The following BICRAL variants were observed in gnomAD, a reference collection of about 807,000 sequenced individuals.
BICRAL encodes the protein BICRA like chromatin remodeling complex associated protein.
In BICRAL, 8 loss-of-function variants were observed where a neutral mutation model predicts 91.8. That is an observed-to-expected ratio of 0.09 (90% confidence interval 0.05 to 0.16). The LOEUF is 0.16. Among genes scored for constraint, BICRAL ranks in the 10% least tolerant of loss-of-function variants. The pLI is 1.00. For missense variants in BICRAL, 1,038 were observed against 1,310.9 expected, an observed-to-expected ratio of 0.79 and a Z score of 3.21; for synonymous variants, 445 against 491.1, an observed-to-expected ratio of 0.91 and a Z score of 1.24.
chr6:42,782,355 G>T (rs1582812353), intron 1 of BICRAL, among the ~76,000 whole-genome samples: 1 of 135,938 alleles, frequency 7.4e-6, no homozygotes, highest in African/African-American at 2.8e-5. Context: ...GGGGGGGGTG[G>T]GTTTGTGGGT....
At chr6:42,771,255 G>A (rs1762719743) in intron 1 of BICRAL, among the ~76,000 whole-genome samples, 2 of 152,242 alleles carry the variant, frequency 1.3e-5, no homozygotes, top group Admixed American at 6.5e-5. Context: ...TGCAGAAAGA[G>A]GACCCCTCCC....
At chr6:42,817,266 T>C (rs1443464152) in intron 2 of BICRAL, among the ~76,000 whole-genome samples, 1 of 151,886 alleles carries the variant, frequency 6.6e-6, no homozygotes, top group Admixed American at 6.6e-5. Flanking sequence ...TGACCATATA[T>C]CCTACCAAGT....
chr6:42,831,815 T>C lies in BICRAL; in HGVS notation c.1839+1643T>C, dbSNP rs1424707457. ...ATGCAGTGGCGAAATCTCAGCTCAC[T>C]GCAGCCTCCGCCTCCCAGCCTCAAG... On this transcript the variant is annotated intron_variant, in intron 6 of 12. Transcript: ENST00000314073. Among the ~76,000 whole-genome samples, 4 of 151,700 alleles carry C rather than the reference T, an allele frequency of 2.6e-5. No individual in the cohort carries two copies. In the South Asian group the frequency reaches 8.3e-4, roughly 32 times the overall value.
At chr6:42,751,578 G>GT (rs920403227) in intron 1 of BICRAL, among the ~76,000 whole-genome samples, 3 of 151,706 alleles carry the variant, frequency 2.0e-5, no homozygotes, top group African/African-American at 4.8e-5. Context: ...GTTCTCTGGA[G>GT]TTTGTCAGGG....
upstream of BICRAL, chr6:42,746,862 G>A (rs549120129): frequency 6.6e-6 from 1 of 152,030 alleles, no homozygotes; most frequent in African/African-American, 2.4e-5. Flanking sequence ...GGCCCTGGGG[G>A]AGTCCATAAA....
chr6:42,824,786 A>G (rs1027941466), intron 5 of BICRAL, among the ~76,000 whole-genome samples: 2 of 152,362 alleles, frequency 1.3e-5, no homozygotes, highest in South Asian at 4.1e-4. Context: ...ATAATGAGTA[A>G]CACTTGAGCA....
intron 1 of BICRAL, among the ~76,000 whole-genome samples, chr6:42,756,430 C>G (rs893114027): frequency 5.3e-5 from 8 of 152,084 alleles, no homozygotes; most frequent in Non-Finnish European, 1.0e-4. Context: ...CTCTCACCTC[C>G]TTTGGCAAGC....
intron 6 of BICRAL, among the ~76,000 whole-genome samples, chr6:42,843,855 A>G (rs1764890851): frequency 6.8e-6 from 1 of 147,578 alleles, no homozygotes; most frequent in Non-Finnish European, 1.5e-5. Flanking sequence ...GGCGAGTGCA[A>G]TAGCACGATC....
intron 1 of BICRAL, among the ~76,000 whole-genome samples, chr6:42,749,637 C>G (rs1379167827): frequency 6.6e-6 from 1 of 152,034 alleles, no homozygotes; most frequent in Non-Finnish European, 1.5e-5. Context: ...ATCAAAATAT[C>G]ACATGTACCT....
At chr6:42,786,143 A>C (rs149083338) in intron 1 of BICRAL, among the ~76,000 whole-genome samples, 42 of 152,372 alleles carry the variant, frequency 2.8e-4, no homozygotes, top group African/African-American at 1.0e-3. Flanking sequence ...TCTCTGGATT[A>C]AGGATCATGG....
Position 42,852,102 on chromosome 6 carries a change from A to T in BICRAL, c.1850A>T (p.Lys617Ile). The T allele has an allele frequency of 1.3e-6, 2 of 1,595,458 alleles. No individual in the cohort carries two copies. The highest frequency in any genetic ancestry group is 1.7e-6 in the Non-Finnish European group (2 of 1,164,638). ...QQQFFCQAQK[K>I]CLNQTSPISA... ...TGTCATGTTTCACAGGCTCAGAAAA[A>T]ATGTCTGAATCAGACTTCCCCCATT... The change falls in exon 7 of 13, where the codon AAA (lysine) becomes ATA (isoleucine). Residue 617 changes from lysine (K) to isoleucine (I), a missense_variant. Transcript: ENST00000314073.
intron 9 of BICRAL, among the ~76,000 whole-genome samples, chr6:42,856,680 T>A (rs1182436805): frequency 6.6e-6 from 1 of 152,196 alleles, no homozygotes; most frequent in Non-Finnish European, 1.5e-5. Context: ...ATATATTGAA[T>A]GTAGTTTCAG....
At chr6:42,757,971 A>G in intron 1 of BICRAL, among the ~76,000 whole-genome samples, 1 of 152,162 alleles carries the variant, frequency 6.6e-6, no homozygotes, top group Non-Finnish European at 1.5e-5. Flanking sequence ...TGCCTGTGTA[A>G]TCATGAGACT....
chr6:42,748,233 T>C (rs982899663), intron 1 of BICRAL, among the ~76,000 whole-genome samples: 1 of 152,168 alleles, frequency 6.6e-6, no homozygotes, highest in African/African-American at 2.4e-5. Flanking sequence ...TGCTTTATTT[T>C]ATGAAATGTT....
intron 1 of BICRAL, among the ~76,000 whole-genome samples, chr6:42,784,965 CTAT>C (rs1763059350): frequency 6.6e-6 from 1 of 152,128 alleles, no homozygotes. Flanking sequence ...CTGTCTTGTA[CTAT>C]GCTATGCACT....
intron 1 of BICRAL, among the ~76,000 whole-genome samples, chr6:42,809,950 T>C (rs1161536382): frequency 2.6e-5 from 4 of 151,890 alleles, no homozygotes; most frequent in Non-Finnish European, 2.9e-5. Context: ...CCACACCTGG[T>C]TGAGTTCTGT....
intron 1 of BICRAL, among the ~76,000 whole-genome samples, chr6:42,750,708 T>C (rs895018918): frequency 1.3e-5 from 2 of 152,024 alleles, no homozygotes; most frequent in Non-Finnish European, 2.9e-5. Flanking sequence ...CCTGAGTAGC[T>C]GGGATTACAG....
intron 1 of BICRAL, among the ~76,000 whole-genome samples, chr6:42,793,716 A>G (rs1224154135): frequency 6.6e-6 from 1 of 151,432 alleles, no homozygotes; most frequent in Non-Finnish European, 1.5e-5. Context: ...AAGGTTTACA[A>G]CTGGGATGTT....
At chr6:42,779,223 AACACACACACACACACAC>A (rs57493144), upstream of BICRAL, among the ~76,000 whole-genome samples, 1,213 of 132,526 alleles carry the variant, frequency 9.2e-3, 5 homozygotes, top group African/African-American at 0.025. Flanking sequence ...TCTCAAGAAA[AACACACACACACACACAC>A]ACACACACAC....
Sources: gnomAD v4.1 joint callset for allele counts (sites outside exome capture counted in the v4.1 genomes callset) on GRCh38, gnomAD v4.1.1 for gene constraint, MANE v1.5 for transcripts, NCBI Gene and HGNC (gene_info 2026-07-23, HGNC 2026-07-21) for gene names.